Variants in CLIP1 observed in about 807,000 individuals in gnomAD.
CLIP1 encodes CAP-Gly domain-containing linker protein 1.
Under a neutral mutation model 161.6 loss-of-function variants are expected in CLIP1, and 66 were observed. The ratio of observed to expected loss-of-function variants is 0.41; its 90% CI spans 0.33 to 0.50. The LOEUF is 0.50. CLIP1 is among the 20% of genes least tolerant of loss of function. The pLI is 0.27. For missense variants in CLIP1, 1,376 were observed against 1,702.0 expected, an observed-to-expected ratio of 0.81 and a Z score of 3.37; for synonymous variants, 598 against 626.2, an observed-to-expected ratio of 0.96 and a Z score of 0.67.
Position 122,288,537 on chromosome 12 carries a change from T to G in CLIP1, c.3599A>C (p.Glu1200Ala). 6.2e-7 allele frequency: 1 copy of G among 1,606,222 alleles called. No homozygotes were observed. The highest frequency in any genetic ancestry group is 1.3e-5 in the African/African-American group (1 of 74,928). Residue 1200 changes from glutamate (E) to alanine (A), a missense_variant, in exon 21 of 26, where the codon GAA becomes GCA. By Grantham distance (107) the Glu-to-Ala change is moderately radical. This residue lies in a region of CLIP1 where 948 missense variants were observed against 1,134.8 expected (regional missense o/e 0.84). Coordinates refer to ENST00000620786, the MANE Select transcript of CLIP1 (RefSeq NM_001247997.2). ...RDEVTSHQKL[E>A]EERSVLNNQL... ...ATTATTGAGCACAGATCTTTCTTCT[T>G]CCAGCTAGGAAAAAAACACAAAAAA...
chr12:122,359,750 C>T (rs192790851), intron 5 of CLIP1, among the ~76,000 whole-genome samples: 3 of 152,224 alleles, frequency 2.0e-5, no homozygotes, highest in Admixed American at 6.5e-5. Context: ...CTTCTCTGCC[C>T]GACGACAATG....
At chr12:122,409,801 A>C (rs947953697) in intron 1 of CLIP1, among the ~76,000 whole-genome samples, 9 of 151,458 alleles carry the variant, frequency 5.9e-5, no homozygotes, top group Non-Finnish European at 1.0e-4. Flanking sequence ...CAAAGTGCTA[A>C]GATGACAGGC....
At chr12:122,380,735 T>G (rs1954975705) in intron 1 of CLIP1, among the ~76,000 whole-genome samples, 177 bp from the exon 2 acceptor site, 1 of 152,014 alleles carries the variant, frequency 6.6e-6, no homozygotes, top group African/African-American at 2.4e-5. Context: ...GAAATGGATT[T>G]AAAGGCAATT....
chr12:122,294,246 G>A (rs1340589083), intron 20 of CLIP1, among the ~76,000 whole-genome samples: 5 of 147,652 alleles, frequency 3.4e-5, no homozygotes, highest in Admixed American at 6.8e-5. Flanking sequence ...GGAGAATGGC[G>A]TGAACCTGGG....
At chr12:122,320,818 T>C (rs981129302) in intron 17 of CLIP1, among the ~76,000 whole-genome samples, 1 of 151,030 alleles carries the variant, frequency 6.6e-6, no homozygotes, top group Non-Finnish European at 1.5e-5. Flanking sequence ...CAAGTGATTC[T>C]CCTGCCTCAG....
intron 10 of CLIP1, among the ~76,000 whole-genome samples, chr12:122,345,789 CTT>C (rs538550811): frequency 5.6e-5 from 8 of 142,982 alleles, no homozygotes; most frequent in Non-Finnish European, 7.7e-5. Context: ...ATTTCTTTTT[CTT>C]TTTTTTTTTT....
At position 122,341,001 on chromosome 12, in the gene CLIP1, A is replaced by G. The variant is rs1952471760; in HGVS notation, c.2203T>C (p.Leu735=). Residue 735 remains leucine (L), a synonymous_variant, in exon 11 of 26, where the codon TTA becomes CTA. Coordinates refer to ENST00000620786, the MANE Select transcript of CLIP1 (RefSeq NM_001247997.2). ...TTTACCTTTATTTCAGCTTCCTGTA[A>G]TTTGTTTAACGTGTCTTCCATTTCT... ...LVEMEDTLNK[L]QEAEIKVKEL... 6.2e-7 allele frequency: 1 copy of G among 1,613,844 alleles called. No homozygotes were observed. The highest frequency in any genetic ancestry group is 1.7e-5 in the Admixed American group (1 of 59,954).
intron 20 of CLIP1, 39 bp from the exon 21 acceptor site, chr12:122,288,580 G>C: frequency 1.3e-6 from 2 of 1,563,564 alleles, no homozygotes; most frequent in Non-Finnish European, 1.7e-6. Context: ...TCATAACCAG[G>C]CCACAGAAAG....
chr12:122,410,397 A>G (rs940593306), intron 1 of CLIP1, among the ~76,000 whole-genome samples: 1 of 19,370 alleles, frequency 5.2e-5, no homozygotes, highest in East Asian at 1.6e-3. Flanking sequence ...TTGCCTTTGT[A>G]AAGTTATATT....
chr12:122,295,292 C>T (rs1329719691), intron 20 of CLIP1, among the ~76,000 whole-genome samples: 1 of 151,814 alleles, frequency 6.6e-6, no homozygotes, highest in Non-Finnish European at 1.5e-5. Context: ...ATCGCTTGAA[C>T]CCAGGAGGCA....
Position 122,279,236 on chromosome 12 carries a change from G to T in CLIP1, c.3648-91C>A. On this transcript the variant is annotated intron_variant, in intron 21 of 25. Coordinates refer to ENST00000620786, the MANE Select transcript of CLIP1 (RefSeq NM_001247997.2). This position sits in a 1 kb window ranked among gnomAD's most constrained non-coding sequence, Gnocchi z 4.5. The stretch of plus-strand genomic sequence containing the variant: ...TAGAACAAACACATAATTAATGTTA[G>T]TTAATGTAAAAAAAAAAATATAACA... The T allele has an allele frequency of 1.3e-6, 1 of 787,912 alleles. No individual in the cohort carries two copies. The highest frequency in any genetic ancestry group is 1.9e-6 in the Non-Finnish European group (1 of 516,352). 48.8% of individuals were successfully genotyped at this position (787,912 alleles called of 1,614,324 possible). A position where few individuals can be genotyped will look rare whatever the true frequency, so the allele number is the denominator to read the frequency against.
At chr12:122,345,243 T>C (rs910069363) in intron 10 of CLIP1, among the ~76,000 whole-genome samples, 1 of 151,318 alleles carries the variant, frequency 6.6e-6, no homozygotes, top group Admixed American at 6.6e-5. Flanking sequence ...GACATGAACA[T>C]GGCTCACTGC....
chr12:122,292,846 A>C (rs1293788281), intron 20 of CLIP1, among the ~76,000 whole-genome samples: 2 of 151,780 alleles, frequency 1.3e-5, no homozygotes, highest in African/African-American at 4.8e-5. Context: ...TACTAAAAAT[A>C]TAAAAAATTA....
At chr12:122,330,677 G>A (rs1449319950) in intron 15 of CLIP1, among the ~76,000 whole-genome samples, 1 of 141,054 alleles carries the variant, frequency 7.1e-6, no homozygotes, top group East Asian at 2.3e-4. Context: ...TGAGCTCACG[G>A]CACCCTCTGC....
chr12:122,309,886 C>T lies in CLIP1; in HGVS notation c.3474-4G>A. 6.2e-7 allele frequency: 1 copy of T among 1,613,770 alleles called. No individual in the cohort carries two copies. The highest frequency in any genetic ancestry group is 8.5e-7 in the Non-Finnish European group (1 of 1,179,918). On this transcript the variant is annotated splice_region_variant and splice_polypyrimidine_tract_variant and intron_variant, in intron 19 of 25. Coordinates refer to ENST00000620786, the MANE Select transcript of CLIP1 (RefSeq NM_001247997.2). ...TGCTGCCTGCTTTAGGGTTTCTCTG[C>T]AAGGACAGTGAGTGCAGGGTTACCA...
chr12:122,385,054 T>A (rs2136893173), intron 1 of CLIP1, among the ~76,000 whole-genome samples: 1 of 151,316 alleles, frequency 6.6e-6, no homozygotes, highest in African/African-American at 2.4e-5. Flanking sequence ...TGCCTCAGAC[T>A]CATGAGTAGC....
At chr12:122,413,169 T>TGGG (rs1956603637) in intron 1 of CLIP1, among the ~76,000 whole-genome samples, 2 of 152,160 alleles carry the variant, frequency 1.3e-5, no homozygotes, top group Admixed American at 1.3e-4. Context: ...AGTCATTATA[T>TGGG]GGGGTAAATC....
At chr12:122,400,373 C>T (rs1462866151) in intron 1 of CLIP1, 1 of 152,106 alleles carries the variant, frequency 6.6e-6, no homozygotes, top group Non-Finnish European at 1.5e-5. Flanking sequence ...CTGCTTAGCC[C>T]CAATTTAAAA....
chr12:122,301,049 T>C (rs1229826436), intron 20 of CLIP1, among the ~76,000 whole-genome samples: 1 of 152,076 alleles, frequency 6.6e-6, no homozygotes, highest in East Asian at 1.9e-4. Context: ...CCTGTTCTCA[T>C]AAAAAATGTC....
Sources: allele counts gnomAD v4.1 joint callset (sites outside exome capture counted in the v4.1 genomes callset), GRCh38; gene constraint gnomAD v4.1.1; regional missense constraint gnomAD v4.1.1; non-coding constraint Gnocchi (gnomAD v3.1); transcripts MANE v1.5; gene names NCBI Gene and HGNC (gene_info 2026-07-23, HGNC 2026-07-21).